The following UBR3 variants were observed in gnomAD, a reference collection of about 807,000 sequenced individuals.
UBR3 encodes the protein ubiquitin protein ligase E3 component n-recognin 3, also known as E3 ubiquitin-protein ligase UBR3.
Under a neutral mutation model 243.2 loss-of-function variants are expected in UBR3, and 85 were observed. That is an observed-to-expected ratio of 0.35 (90% CI 0.29 to 0.42). The LOEUF (loss-of-function observed/expected upper bound fraction) is 0.42. UBR3 is among the 10% of genes least tolerant of loss of function. The pLI, the probability that UBR3 is intolerant of heterozygous loss-of-function variation, is 1.00. For missense variants in UBR3, 1,686 were observed against 2,300.8 expected, an observed-to-expected ratio of 0.73 and a Z score of 5.47; for synonymous variants, 748 against 799.8, an observed-to-expected ratio of 0.94 and a Z score of 1.09.
At chr2:170,011,361 CAATATTTA>C in intron 29 of UBR3, among the ~76,000 whole-genome samples, 1 of 151,986 alleles carries the variant, frequency 6.6e-6, no homozygotes, top group East Asian at 1.9e-4. Context: ...AAATATTTAG[CAATATTTA>C]AATATTTAAG....
chr2:170,056,135 G>A (rs2091330676), intron 33 of UBR3, among the ~76,000 whole-genome samples: 1 of 150,228 alleles, frequency 6.7e-6, no homozygotes, highest in Non-Finnish European at 1.5e-5. Context: ...AGCCTTCTGA[G>A]TAGCTGGGAC....
intron 19 of UBR3, among the ~76,000 whole-genome samples, chr2:169,937,655 T>G (rs2086397068): frequency 6.6e-6 from 1 of 152,200 alleles, no homozygotes. Flanking sequence ...GACATTTAAG[T>G]CTTTAATCCA....
intron 29 of UBR3, among the ~76,000 whole-genome samples, chr2:170,010,379 A>T (rs1404572850): frequency 1.3e-5 from 2 of 152,264 alleles, no homozygotes; most frequent in East Asian, 3.9e-4. Flanking sequence ...ACACACATTT[A>T]TGTTGCTCAT....
chr2:169,925,822 T>C, intron 14 of UBR3, 75 bp downstream of exon 14: 2 of 1,350,840 alleles, frequency 1.5e-6, no homozygotes, highest in South Asian at 3.4e-5. Context: ...TTTATAGAGG[T>C]GACTGCGTGA....
chr2:169,910,968 A>G (rs2085230931), intron 10 of UBR3, among the ~76,000 whole-genome samples: 1 of 152,128 alleles, frequency 6.6e-6, no homozygotes, highest in Non-Finnish European at 1.5e-5. Flanking sequence ...ATAGGAAAAA[A>G]TGTTATTTCT....
chr2:169,836,523 A>G (rs2082118437), intron 1 of UBR3, among the ~76,000 whole-genome samples: 1 of 151,998 alleles, frequency 6.6e-6, no homozygotes, highest in Admixed American at 6.6e-5. Flanking sequence ...CAGAAAAAAT[A>G]GCTAATGCAT....
intron 1 of UBR3, among the ~76,000 whole-genome samples, chr2:169,833,271 A>G (rs1293116259): frequency 6.6e-6 from 1 of 152,200 alleles, no homozygotes; most frequent in African/African-American, 2.4e-5. Context: ...ATGGGATACT[A>G]ACTGGAAACT....
intron 1 of UBR3, among the ~76,000 whole-genome samples, chr2:169,836,206 C>T (rs1362651392): frequency 6.7e-6 from 1 of 149,568 alleles, no homozygotes; most frequent in African/African-American, 2.5e-5. Context: ...GCCTCAGCCG[C>T]CTGAGTAGCT....
chr2:169,884,156 CTTT>C (rs757405113), intron 5 of UBR3, among the ~76,000 whole-genome samples: 4 of 130,378 alleles, frequency 3.1e-5, no homozygotes, highest in Admixed American at 1.6e-4. Context: ...GGAGAGCTGA[CTTT>C]TTTTTTTTTT....
intron 30 of UBR3, 33 bp from the exon 31 acceptor site, chr2:170,029,313 A>G (rs1025625115): frequency 1.3e-6 from 2 of 1,548,654 alleles, no homozygotes; most frequent in African/African-American, 2.8e-5. Flanking sequence ...AAATGTGTGA[A>G]CTTTCTAATT....
At chr2:169,886,072 G>A (rs559337493) in intron 5 of UBR3, among the ~76,000 whole-genome samples, 9 of 151,048 alleles carry the variant, frequency 6.0e-5, no homozygotes, top group Non-Finnish European at 1.0e-4. Flanking sequence ...CAGGAGAATC[G>A]CTTGAACCCG....
intron 1 of UBR3, among the ~76,000 whole-genome samples, chr2:169,836,671 A>G (rs1016719690): frequency 1.3e-5 from 2 of 151,738 alleles, no homozygotes; most frequent in Non-Finnish European, 1.5e-5. Flanking sequence ...TTGGTGTTAT[A>G]TATATAAATT....
chr2:169,918,921 T>A (rs928162247), intron 11 of UBR3, among the ~76,000 whole-genome samples: 18 of 152,196 alleles, frequency 1.2e-4, no homozygotes, highest in Admixed American at 1.2e-3. Context: ...TATGGTTAAT[T>A]TGATTCCTGT....
chr2:169,877,891 A>G (rs189118673), intron 4 of UBR3, among the ~76,000 whole-genome samples: 1 of 152,346 alleles, frequency 6.6e-6, no homozygotes, highest in Non-Finnish European at 1.5e-5. Flanking sequence ...AAAAATGTAC[A>G]GTTGCTATTC....
intron 30 of UBR3, among the ~76,000 whole-genome samples, chr2:170,017,443 C>G (rs1223576268): frequency 6.6e-6 from 1 of 151,716 alleles, no homozygotes; most frequent in East Asian, 1.9e-4. Context: ...CTTGATGAAA[C>G]TGAAAATTTG....
In UBR3 at chr2:170,083,127, A is replaced by G. The variant is rs2091932204; in HGVS notation, c.*1284A>G. On this transcript the variant is annotated 3_prime_UTR_variant, in exon 39 of 39. Transcript: ENST00000272793. ...GTACTTTGGACTTCCATGGCTTGTT[A>G]TATAAAATTACATTTTTACATGTAA... 1 of 152,562 alleles carries G rather than the reference A, an allele frequency of 6.6e-6. No homozygotes were observed. The highest frequency in any genetic ancestry group is 2.1e-4 in the South Asian group (1 of 4,826). 9.5% of individuals were successfully genotyped at this position (152,562 alleles called of 1,614,324 possible). A position where few individuals can be genotyped will look rare whatever the true frequency, so the allele number is the denominator to read the frequency against.
chr2:170,015,191 TTA>T (rs2090199470), intron 29 of UBR3, 88 bp from the exon 30 acceptor site: 1 of 1,121,554 alleles, frequency 8.9e-7, no homozygotes, highest in East Asian at 2.5e-5. Flanking sequence ...TTGAAGAACT[TTA>T]TTTTTTAGGT....
chr2:169,944,108 A>G (rs1332381533), intron 20 of UBR3, among the ~76,000 whole-genome samples: 2 of 152,206 alleles, frequency 1.3e-5, no homozygotes, highest in Non-Finnish European at 1.5e-5. Context: ...TTTGTACTGA[A>G]AAGATATTTG....
At chr2:169,906,194 GTGTTTAAGAAAAAGACT>G in intron 10 of UBR3, 30 bp downstream of exon 10, 1 of 1,519,268 alleles carries the variant, frequency 6.6e-7, no homozygotes, top group Non-Finnish European at 8.8e-7. Flanking sequence ...GTTAATTTCT[GTGTTTAAGAAAAAGACT>G]TGTGAAAATA....
Sources: gnomAD v4.1 joint callset for allele counts (sites outside exome capture counted in the v4.1 genomes callset) on GRCh38, gnomAD v4.1.1 for gene constraint, MANE v1.5 for transcripts, NCBI Gene and HGNC (gene_info 2026-07-23, HGNC 2026-07-21) for gene names.